DENND4A: variants seen among roughly 807,000 people sequenced by gnomAD.
DENND4A encodes the protein C-myc promoter-binding protein.
Under a neutral mutation model 199.3 loss-of-function variants are expected in DENND4A, and 70 were observed. That is an observed-to-expected ratio of 0.35 (90% CI 0.29 to 0.43). DENND4A has a LOEUF of 0.43. Among genes scored for constraint, DENND4A ranks in the 20% least tolerant of loss-of-function variants. The pLI is 1.00. For missense variants in DENND4A, 1,723 were observed against 2,255.8 expected (o/e 0.76, Z 4.78); for synonymous variants, 686 against 766.9 (o/e 0.89, Z 1.74).
rs1210439379 is a variant in DENND4A, at chr15:65,718,010, C to T, written c.1589-14G>A. 7 of 1,564,830 alleles carry T rather than the reference C, an allele frequency of 4.5e-6. No homozygotes were observed. Among genetic ancestry groups the T allele is most frequent in the Non-Finnish European group, 6.1e-6 (7 of 1,151,050 alleles). ...GTCTCTGCTGCACTGTGAAGACATACAGTGTTAGTGTTTTCTCCAAACTCA... is the reference window on the plus strand; with the variant it reads ...GTCTCTGCTGCACTGTGAAGACATATAGTGTTAGTGTTTTCTCCAAACTCA... On this transcript the variant is annotated splice_polypyrimidine_tract_variant and intron_variant, in intron 12 of 32. Coordinates refer to ENST00000443035, the MANE Select transcript of DENND4A (RefSeq NM_001320835.1).
At chr15:65,685,600 ACTTATAATAC>A (rs2076749257) in intron 23 of DENND4A, among the ~76,000 whole-genome samples, 1 of 152,244 alleles carries the variant, frequency 6.6e-6, no homozygotes, top group East Asian at 1.9e-4. Context: ...TCTCTAGGTT[ACTTATAATAC>A]CTAATACAAT....
chr15:65,729,272 G>T, intron 10 of DENND4A, 25 bp from the exon 11 acceptor site: 1 of 1,555,990 alleles, frequency 6.4e-7, no homozygotes. Flanking sequence ...AGATAGGAGA[G>T]AATTTAGCTT....
chr15:65,714,435 C>A (rs1007216756), intron 14 of DENND4A, among the ~76,000 whole-genome samples: 9 of 150,196 alleles, frequency 6.0e-5, no homozygotes, highest in Non-Finnish European at 1.0e-4. Flanking sequence ...AAAAAAAAAA[C>A]CCAAAAACTT....
At position 65,754,901 on chromosome 15, in the gene DENND4A, C is replaced by T. The variant is rs375253633; in HGVS notation, c.311+1239G>A. On this transcript the variant is annotated intron_variant, in intron 3 of 32. Coordinates refer to ENST00000443035, the MANE Select transcript of DENND4A (RefSeq NM_001320835.1). ...CCATTACGATCCAGCAATGTCACTC[C>T]TAGGTATATACAAATAAAAAATGAA... 6.6e-5 allele frequency among the ~76,000 whole-genome samples: 10 copies of T among 152,240 alleles called. No homozygotes were observed. In the East Asian group the frequency reaches 7.7e-4, roughly 12 times the overall value.
At chr15:65,760,519 TAAAC>T (rs933716911) in intron 2 of DENND4A, among the ~76,000 whole-genome samples, 7 of 150,706 alleles carry the variant, frequency 4.6e-5, no homozygotes, top group Non-Finnish European at 7.4e-5. Context: ...AATAAATAAA[TAAAC>T]AAACTAAAGC....
In DENND4A at chr15:65,756,853, T is replaced by C. The variant is rs180996226; in HGVS notation, c.-22-381A>G. On this transcript the variant is annotated intron_variant, in intron 2 of 32. Transcript: ENST00000443035. Reference sequence around the variant, plus strand: ...GAGTTTGAGACCAGCCTGGCCAACATGGTGAAACCTTGTCTCTACTAAAAA... The same window carrying C: ...GAGTTTGAGACCAGCCTGGCCAACACGGTGAAACCTTGTCTCTACTAAAAA... Among the ~76,000 whole-genome samples, 291 of 152,200 alleles carry C rather than the reference T, an allele frequency of 1.9e-3. 1 individual carries two copies. Among genetic ancestry groups the C allele is most frequent in the African/African-American group, 6.8e-3 (284 of 41,528 alleles).
chr15:65,709,719 A>AAAAAAAAAAAAAATATATATAT (rs1218030026), intron 14 of DENND4A, among the ~76,000 whole-genome samples: 2 of 51,474 alleles, frequency 3.9e-5, no homozygotes, highest in Non-Finnish European at 6.3e-5. Context: ...AAAAAAAAAA[A>AAAAAAAAAAAAAATATATATAT]ATATATATAT....
At chr15:65,683,308 T>C (rs1347536060) in intron 23 of DENND4A, among the ~76,000 whole-genome samples, 1 of 152,226 alleles carries the variant, frequency 6.6e-6, no homozygotes, top group Non-Finnish European at 1.5e-5. Context: ...CAGCAGTGTG[T>C]CAATTTTGTT....
At chr15:65,677,672 G>A (rs1260784151) in intron 23 of DENND4A, among the ~76,000 whole-genome samples, 1 of 152,028 alleles carries the variant, frequency 6.6e-6, no homozygotes, top group East Asian at 1.9e-4. Context: ...TTTGTTCAGT[G>A]AAGGGCAGGA....
chr15:65,690,729 T>C lies in DENND4A; in HGVS notation c.3865A>G (p.Lys1289Glu). Reference sequence around the variant, plus strand: ...GGCAGACTAGATCTTCTGCATGCCTTGACCAATGGTGGACTTTTCTTATTT... The same window carrying C: ...GGCAGACTAGATCTTCTGCATGCCTCGACCAATGGTGGACTTTTCTTATTT... ...KLNKKSPPLVKACRRSSLPPN... is the reference protein window; with the variant it reads ...KLNKKSPPLVEACRRSSLPPN... The change falls in exon 23 of 33, where the codon AAG becomes GAG. Residue 1289 changes from lysine (K) to glutamate (E), a missense_variant. Physicochemically the swap from Lys to Glu is moderately conservative, Grantham distance 56 (BLOSUM62 1). This residue lies in a region of DENND4A where 650 missense variants were observed against 738.1 expected (regional missense o/e 0.88). Coordinates refer to ENST00000443035, the MANE Select transcript of DENND4A (RefSeq NM_001320835.1). The C allele has an allele frequency of 6.2e-7, 1 of 1,613,616 alleles. No homozygotes were observed. The highest frequency in any genetic ancestry group is 1.1e-5 in the South Asian group (1 of 91,076).
intron 1 of DENND4A, among the ~76,000 whole-genome samples, chr15:65,762,287 G>A (rs756735562): frequency 3.6e-4 from 55 of 151,956 alleles, no homozygotes; most frequent in Admixed American, 7.2e-4. Context: ...GATTACAGGC[G>A]TGAGCCACCG....
At chr15:65,682,788 T>C (rs1276376114) in intron 23 of DENND4A, among the ~76,000 whole-genome samples, 1 of 152,162 alleles carries the variant, frequency 6.6e-6, no homozygotes, top group Non-Finnish European at 1.5e-5. Context: ...TAGAAGCCAC[T>C]GTAGGGTTAT....
At position 65,729,186 on chromosome 15, in the gene DENND4A, T is replaced by C; in HGVS notation, c.1373A>G (p.Asp458Gly). Reference sequence around the variant, plus strand: ...GAATGGACATGGTGCACTCAAGACATCTGCTAAAGCCAGTGGGCAGAGAGG... The same window carrying C: ...GAATGGACATGGTGCACTCAAGACACCTGCTAAAGCCAGTGGGCAGAGAGG... ...YVPLCPLALA[D>G]VLSAPCPFIV... Residue 458 changes from aspartate to glycine, a missense_variant, in exon 11 of 33, where the codon GAT becomes GGT. Transcript: ENST00000443035. 6.3e-7 allele frequency: 1 copy of C among 1,589,032 alleles called. No individual in the cohort carries two copies. The highest frequency in any genetic ancestry group is 1.1e-5 in the South Asian group (1 of 86,982).
rs1430015782 is a variant in DENND4A at position 65,659,329 on chromosome 15, T to G, written c.*2522A>C. ...AATGATTGATATTTTCTGGTTTTTT[T>G]TTTTTTTTTTTTTTTTTTTTTTGAG... On this transcript the variant is annotated 3_prime_UTR_variant, in exon 33 of 33. Transcript: ENST00000443035. The G allele has an allele frequency of 1.6e-5, 2 of 124,644 alleles. No individual in the cohort carries two copies. The highest frequency in any genetic ancestry group is 2.9e-5 in the African/African-American group (1 of 34,266). The allele number at this position is 124,644 out of a possible 1,614,324, so 7.7% of individuals were successfully genotyped here.
chr15:65,779,737 C>T (rs1481117196), intron 1 of DENND4A, among the ~76,000 whole-genome samples: 1 of 152,124 alleles, frequency 6.6e-6, no homozygotes, highest in Non-Finnish European at 1.5e-5. Context: ...GCAACCTCTG[C>T]CTCCTAGGTT....
rs147573950 is a variant in DENND4A at position 65,740,348 on chromosome 15, G to A, written c.631+1367C>T. On this transcript the variant is annotated intron_variant, in intron 5 of 32. Transcript: ENST00000443035. Reference sequence around the variant, plus strand: ...GCCAGTAGCCAGCACAGCAGCTCACGCCTGTAATCTCAGCACTTTGGGAGG... The same window carrying A: ...GCCAGTAGCCAGCACAGCAGCTCACACCTGTAATCTCAGCACTTTGGGAGG... Among the ~76,000 whole-genome samples the A allele has an allele frequency of 3.3e-5, 5 of 151,254 alleles. No individual in the cohort carries two copies. The East Asian group carries it at 9.7e-4, about 29-fold the overall frequency.
intron 24 of DENND4A, 56 bp from the exon 25 acceptor site, chr15:65,671,942 A>T (rs1596392895): frequency 9.4e-7 from 1 of 1,059,968 alleles, no homozygotes; most frequent in Admixed American, 1.7e-5. Flanking sequence ...GAGAAAGGAT[A>T]TAAGAATCTT....
Position 65,691,463 on chromosome 15 carries a change from T to G in DENND4A, c.3131A>C (p.Glu1044Ala), listed in dbSNP as rs775949059. The G allele has an allele frequency of 3.1e-6, 5 of 1,612,284 alleles. No individual in the cohort carries two copies. Among genetic ancestry groups the G allele is most frequent in the Non-Finnish European group, 4.2e-6 (5 of 1,179,096 alleles). ...LLISSLEDTN[E>A]TRNIQSRCFR... Reference sequence around the variant, plus strand: ...GCATCTACTTTGAATGTTTCGTGTTTCATTTGTATCTTCAAGAGATGATAT... The same window carrying G: ...GCATCTACTTTGAATGTTTCGTGTTGCATTTGTATCTTCAAGAGATGATAT... Residue 1044 changes from glutamate to alanine, a missense_variant, in exon 23 of 33, where the codon GAA (glutamate) becomes GCA (alanine). Physicochemically the swap from Glu to Ala is moderately radical, Grantham distance 107 (BLOSUM62 -1). Around this residue, in one of 6 missense-constraint regions of DENND4A, gnomAD observed 650 missense variants for 738.1 expected, o/e 0.88. Transcript: ENST00000443035.
At chr15:65,753,963 T>C (rs1384099606) in intron 3 of DENND4A, 1 of 151,778 alleles carries the variant, frequency 6.6e-6, no homozygotes, top group African/African-American at 2.4e-5. Context: ...GCCTCCCAAG[T>C]AGCTGAAATT....
Sources: allele counts gnomAD v4.1 joint callset (sites outside exome capture counted in the v4.1 genomes callset), GRCh38; gene constraint gnomAD v4.1.1; regional missense constraint gnomAD v4.1.1; transcripts MANE v1.5; gene names NCBI Gene and HGNC (gene_info 2026-07-23, HGNC 2026-07-21).